Variants in FAM185A observed in about 807,000 individuals in gnomAD.
FAM185A encodes the protein protein FAM185A.
FAM185A carries 21 observed loss-of-function variants against 45.7 expected under a neutral mutation model. The observed-to-expected ratio is 0.46, with a 90% confidence interval of 0.33 to 0.66. FAM185A has a LOEUF of 0.66. Ranked by LOEUF, FAM185A falls within the 30% of genes least tolerant of loss-of-function variation. FAM185A has a pLI of 0.03. For missense variants in FAM185A, 305 were observed against 485.4 expected (o/e 0.63, Z 3.49); for synonymous variants, 117 against 194.0 (o/e 0.60, Z 3.30).
the FAM185A span, among the ~76,000 whole-genome samples, chr7:102,833,549 T>C: frequency 6.6e-6 from 1 of 151,470 alleles, no homozygotes; most frequent in African/African-American, 2.4e-5. Context: ...CTTGTGCCTC[T>C]TGTGCCTATT....
At chr7:102,782,303 C>T (rs1795462685) in intron 6 of FAM185A, among the ~76,000 whole-genome samples, 1 of 152,108 alleles carries the variant, frequency 6.6e-6, no homozygotes, top group Admixed American at 6.5e-5. Flanking sequence ...CAGAGAATGC[C>T]ACAAAGATAC....
intron 4 of FAM185A, among the ~76,000 whole-genome samples, chr7:102,765,829 C>T (rs369079463): frequency 0.074 from 10,962 of 148,898 alleles, 127 homozygotes; most frequent in East Asian, 0.17. Context: ...CACTTTCTGA[C>T]GATGGGAATC....
At chr7:102,781,345 G>C (rs11974748) in intron 6 of FAM185A, among the ~76,000 whole-genome samples, 27,813 of 152,204 alleles carry the variant, frequency 0.18, 2,916 homozygotes, top group East Asian at 0.53. Flanking sequence ...CTGGACATCT[G>C]AGAATGGACA....
the FAM185A span, among the ~76,000 whole-genome samples, chr7:102,834,093 A>AG: frequency 3.5e-5 from 3 of 86,346 alleles, no homozygotes; most frequent in Non-Finnish European, 6.8e-5. Context: ...AAGAAAAGAA[A>AG]GAAAGAAAGA....
intron 7 of FAM185A, among the ~76,000 whole-genome samples, chr7:102,800,834 T>TC (rs1484296284): frequency 6.6e-6 from 1 of 152,126 alleles, no homozygotes; most frequent in African/African-American, 2.4e-5. Context: ...GAGGAAAACT[T>TC]CCCTGGCCTT....
At chr7:102,816,148 C>T in the FAM185A span, 1 of 152,184 alleles carries the variant, frequency 6.6e-6, no homozygotes, top group Non-Finnish European at 1.5e-5. Flanking sequence ...TTTAGTGAAA[C>T]CAAACATCAG....
At chr7:102,842,970 G>A in the FAM185A span, among the ~76,000 whole-genome samples, 15 of 152,184 alleles carry the variant, frequency 9.9e-5, no homozygotes, top group South Asian at 1.9e-3. Flanking sequence ...TTATGATTGT[G>A]CCACATGGCT....
chr7:102,812,472 A>G (rs528555527), downstream of FAM185A, among the ~76,000 whole-genome samples: 1 of 152,320 alleles, frequency 6.6e-6, no homozygotes, highest in East Asian at 1.9e-4. Context: ...GCCCCTGACT[A>G]AGTCAAATGT....
At chr7:102,841,047 G>T in the FAM185A span, among the ~76,000 whole-genome samples, 2 of 152,076 alleles carry the variant, frequency 1.3e-5, no homozygotes, top group African/African-American at 4.8e-5. Context: ...ATAACATGGA[G>T]AAATCATAGC....
chr7:102,763,295 T>C (rs1284028009), intron 4 of FAM185A, among the ~76,000 whole-genome samples: 1 of 151,802 alleles, frequency 6.6e-6, no homozygotes, highest in Non-Finnish European at 1.5e-5. Context: ...AATAAAACCT[T>C]TTTATATTTA....
At chr7:102,834,473 A>ATATATATATG in the FAM185A span, 22 of 141,542 alleles carry the variant, frequency 1.6e-4, no homozygotes, top group African/African-American at 5.3e-4. Flanking sequence ...ATATATATAT[A>ATATATATATG]TGTGATGTGG....
chr7:102,831,480 TGAA>T, the FAM185A span, among the ~76,000 whole-genome samples: 1 of 151,552 alleles, frequency 6.6e-6, no homozygotes, highest in African/African-American at 2.4e-5. Context: ...GTGTCAGGGA[TGAA>T]GAACCAGAAT....
chr7:102,797,431 G>A (rs919490182), intron 7 of FAM185A, among the ~76,000 whole-genome samples: 8 of 152,040 alleles, frequency 5.3e-5, no homozygotes, highest in Non-Finnish European at 8.8e-5. Context: ...AGCCGAGATC[G>A]CACCACTGCA....
chr7:102,781,912 A>G (rs924952617), intron 6 of FAM185A, among the ~76,000 whole-genome samples: 1 of 152,176 alleles, frequency 6.6e-6, no homozygotes, highest in East Asian at 1.9e-4. Flanking sequence ...CTTGAAAAAA[A>G]ATTAGATGAA....
the FAM185A span, among the ~76,000 whole-genome samples, chr7:102,849,635 C>T: frequency 6.6e-6 from 1 of 152,154 alleles, no homozygotes; most frequent in Non-Finnish European, 1.5e-5. Context: ...CTTTCCTTCT[C>T]TTTTTAAATC....
intron 7 of FAM185A, among the ~76,000 whole-genome samples, chr7:102,800,448 G>T (rs904224183): frequency 1.3e-5 from 2 of 152,174 alleles, no homozygotes; most frequent in Admixed American, 1.3e-4. Flanking sequence ...AAGCTAACCA[G>T]GGAGGGACCA....
the FAM185A span, among the ~76,000 whole-genome samples, chr7:102,814,795 AAT>A: frequency 3.3e-5 from 5 of 152,228 alleles, no homozygotes; most frequent in Non-Finnish European, 7.3e-5. Context: ...TGTCAAAGAT[AAT>A]GTTTTGCATT....
At chr7:102,780,397 T>A (rs1301084150) in intron 6 of FAM185A, among the ~76,000 whole-genome samples, 1 of 152,196 alleles carries the variant, frequency 6.6e-6, no homozygotes, top group Non-Finnish European at 1.5e-5. Context: ...TTTTCCTGAT[T>A]TACTCCTTTA....
At chr7:102,776,554 CTATTCTTCAAAT>C (rs1370680959) in intron 5 of FAM185A, among the ~76,000 whole-genome samples, 3 of 151,926 alleles carry the variant, frequency 2.0e-5, no homozygotes, top group African/African-American at 7.3e-5. Context: ...TATAAACAAG[CTATTCTTCAAAT>C]TATTCCACCC....
Sources: allele counts gnomAD v4.1 joint callset (sites outside exome capture counted in the v4.1 genomes callset), GRCh38; gene constraint gnomAD v4.1.1; transcripts MANE v1.5; gene names NCBI Gene and HGNC (gene_info 2026-07-23, HGNC 2026-07-21).